Variants in TET1 observed in about 807,000 individuals in gnomAD.
The protein encoded by TET1 is tet methylcytosine dioxygenase 1.
TET1 carries 13 observed loss-of-function variants against 148.7 expected under a neutral mutation model. The ratio of observed to expected loss-of-function variants is 0.09; its 90% CI spans 0.06 to 0.14. The LOEUF (loss-of-function observed/expected upper bound fraction) is 0.14. Ranked by LOEUF, TET1 falls within the 10% of genes least tolerant of loss-of-function variation. TET1 has a pLI of 1.00. For missense variants in TET1, 2,182 were observed against 2,553.8 expected (o/e 0.85, Z 3.14); for synonymous variants, 907 against 937.2 (o/e 0.97, Z 0.59).
At chr10:68,624,680 C>CTT (rs1564975192) in intron 3 of TET1, among the ~76,000 whole-genome samples, 6 of 128,454 alleles carry the variant, frequency 4.7e-5, no homozygotes, top group African/African-American at 8.9e-5. Context: ...CTCTCTCTCT[C>CTT]TCTCTCTCTC....
chr10:68,652,673 T>A (rs1271772760), intron 6 of TET1, 79 bp downstream of exon 6: 2 of 951,598 alleles, frequency 2.1e-6, no homozygotes, highest in Non-Finnish European at 3.2e-6. Context: ...ATAGCCAGAG[T>A]GATCTTTATT....
chr10:68,689,841 T>C (rs1366983224), intron 11 of TET1, among the ~76,000 whole-genome samples: 1 of 151,804 alleles, frequency 6.6e-6, no homozygotes. Context: ...CCATTGGATG[T>C]GAGATTTATG....
At chr10:68,637,749 G>T (rs2054676009) in intron 3 of TET1, among the ~76,000 whole-genome samples, 1 of 147,932 alleles carries the variant, frequency 6.8e-6, no homozygotes, top group South Asian at 2.4e-4. Flanking sequence ...GGGCACACCT[G>T]TAATTCTAGC....
At chr10:68,658,597 A>G (rs551355630) in intron 6 of TET1, among the ~76,000 whole-genome samples, 1 of 152,128 alleles carries the variant, frequency 6.6e-6, no homozygotes, top group Non-Finnish European at 1.5e-5. Flanking sequence ...CTTCTCTTGA[A>G]ATGTTTCCTT....
chr10:68,618,963 T>A (rs2054332718), intron 3 of TET1, among the ~76,000 whole-genome samples: 1 of 152,132 alleles, frequency 6.6e-6, no homozygotes, highest in South Asian at 2.1e-4. Context: ...TTAGACCCTG[T>A]CTCTTAAAAA....
intron 7 of TET1, among the ~76,000 whole-genome samples, chr10:68,671,935 G>T (rs2055277654): frequency 6.6e-6 from 1 of 151,972 alleles, no homozygotes. Context: ...GTAGAGATGG[G>T]GTTTCCCCAT....
At chr10:68,659,331 AT>A (rs1023983494) in intron 6 of TET1, among the ~76,000 whole-genome samples, 1 of 151,510 alleles carries the variant, frequency 6.6e-6, no homozygotes, top group Non-Finnish European at 1.5e-5. Flanking sequence ...CCTACAAGTG[AT>A]TTTTTTTTCT....
rs1395707491 is a variant in TET1, at chr10:68,692,142, T to C, written c.*328T>C. ...GTTTACTATGAAACAAGAGTCATTT[T>C]TAGAGGATTTTAACAGGTTCATGTT... On this transcript the variant is annotated 3_prime_UTR_variant, in exon 12 of 12. Transcript: ENST00000373644. 2.6e-5 allele frequency: 8 copies of C among 308,502 alleles called. No homozygotes were observed. Among genetic ancestry groups the C allele is most frequent in the Non-Finnish European group, 4.8e-5 (8 of 165,664 alleles). 19.1% of individuals were successfully genotyped at this position (308,502 alleles called of 1,614,324 possible).
chr10:68,681,443 A>G lies in TET1; in HGVS notation c.4869A>G (p.Leu1623=). 1 of 1,614,032 alleles carries G rather than the reference A, an allele frequency of 6.2e-7. No individual in the cohort carries two copies. The highest frequency in any genetic ancestry group is 8.5e-7 in the Non-Finnish European group (1 of 1,179,932). Reference sequence around the variant, plus strand: ...ACTTACAGAGTTTGGCTACACGATTAGCTCCAATTTATAAGCAGTATGCTC... The same window carrying G: ...ACTTACAGAGTTTGGCTACACGATTGGCTCCAATTTATAAGCAGTATGCTC... The part of the protein sequence containing the change: ...EDNLQSLATR[L]APIYKQYAPV... Residue 1623 remains leucine (L), a synonymous_variant, in exon 9 of 12, where the codon TTA becomes TTG. Coordinates refer to ENST00000373644, the MANE Select transcript of TET1 (RefSeq NM_030625.3).
chr10:68,691,610 G>A lies in TET1; in HGVS notation c.6207G>A (p.Glu2069=), dbSNP rs1347657510. The change falls in exon 12 of 12, where the codon GAG becomes GAA. Residue 2069 remains glutamate (E), a synonymous_variant. Transcript: ENST00000373644. This position sits in a 1 kb window ranked among gnomAD's most constrained non-coding sequence, Gnocchi z 4.4. ...HGFELNKIKF[E]AKEAKNKKMK... is the part of the protein sequence containing the mutation. ...TTGAACTAAACAAGATTAAGTTTGA[G>A]GCTAAAGAAGCTAAGAATAAGAAAA... The A allele has an allele frequency of 3.1e-6, 5 of 1,614,110 alleles. No homozygotes were observed. Among genetic ancestry groups the A allele is most frequent in the Non-Finnish European group, 4.2e-6 (5 of 1,180,030 alleles).
chr10:68,605,892 G>GTTGT lies in TET1; in HGVS notation c.1968+4872_1968+4875dup, dbSNP rs1198495713. ...TATACTCTGGTTATGTTTGTTGTTTGTTGTTTGTTTGTTTGTTGAGCTGAG... is the reference window on the plus strand; with the variant it reads ...TATACTCTGGTTATGTTTGTTGTTTGTTGTTTGTTTGTTTGTTTGTTGAGCTGAG... On this transcript the variant is annotated intron_variant, in intron 3 of 11. Coordinates refer to ENST00000373644, the MANE Select transcript of TET1 (RefSeq NM_030625.3). 3.3e-5 allele frequency among the ~76,000 whole-genome samples: 5 copies of GTTGT among 152,224 alleles called. No homozygotes were observed. In the East Asian group the frequency reaches 9.6e-4, roughly 29 times the overall value.
At chr10:68,610,092 G>T (rs1275437895) in intron 3 of TET1, among the ~76,000 whole-genome samples, 1 of 152,046 alleles carries the variant, frequency 6.6e-6, no homozygotes, top group Non-Finnish European at 1.5e-5. Context: ...GATCATCCTG[G>T]CTAACACAGT....
intron 4 of TET1, among the ~76,000 whole-genome samples, chr10:68,647,976 G>T (rs2054877745): frequency 6.6e-6 from 1 of 152,030 alleles, no homozygotes. Context: ...CATAATCTTG[G>T]CCACTTGAAG....
In TET1 at chr10:68,629,639, T is replaced by G. The variant is rs1387042101; in HGVS notation, c.1969-15059T>G. Among the ~76,000 whole-genome samples the G allele has an allele frequency of 4.0e-5, 6 of 151,862 alleles. No individual in the cohort carries two copies. The East Asian group carries it at 9.7e-4, about 25-fold the overall frequency. On this transcript the variant is annotated intron_variant, in intron 3 of 11. Coordinates refer to ENST00000373644, the MANE Select transcript of TET1 (RefSeq NM_030625.3). ...ACTTCTGCCTCCCGGGTTCAAGTGA[T>G]TCTTCTGCCTCGGCCTCCCCTCCCA...
At chr10:68,672,454 A>G (rs2055285257) in intron 7 of TET1, among the ~76,000 whole-genome samples, 1 of 117,508 alleles carries the variant, frequency 8.5e-6, no homozygotes, top group Non-Finnish European at 1.6e-5. Flanking sequence ...TGCCACGGCA[A>G]TCCACCCTTG....
chr10:68,632,852 AG>A (rs202104513), intron 3 of TET1: 22,551 of 579,414 alleles, frequency 0.039, 458 homozygotes, highest in Non-Finnish European at 0.044. Flanking sequence ...AAAAAAAAAA[AG>A]AAAGAAAACA....
At chr10:68,593,915 A>AGTTTTTTTT in intron 2 of TET1, among the ~76,000 whole-genome samples, 1 of 44,724 alleles carries the variant, frequency 2.2e-5, no homozygotes, top group Non-Finnish European at 4.0e-5. Flanking sequence ...CGCCTGAGCT[A>AGTTTTTTTT]TTTTTTTTTT....
At chr10:68,595,956 ATATAT>A in intron 2 of TET1, among the ~76,000 whole-genome samples, 1 of 33,458 alleles carries the variant, frequency 3.0e-5, no homozygotes, top group South Asian at 1.5e-3. Context: ...ATATATATAT[ATATAT>A]ACACACACAC....
At chr10:68,585,733 G>A (rs1403128219) in intron 2 of TET1, among the ~76,000 whole-genome samples, 3 of 151,836 alleles carry the variant, frequency 2.0e-5, no homozygotes, top group Admixed American at 6.6e-5. Context: ...TTTTTGGGCC[G>A]GGCACGGTGG....
Sources: gnomAD v4.1 joint callset for allele counts (sites outside exome capture counted in the v4.1 genomes callset) on GRCh38, gnomAD v4.1.1 for gene constraint, Gnocchi (gnomAD v3.1) non-coding constraint, MANE v1.5 for transcripts, NCBI Gene and HGNC (gene_info 2026-07-23, HGNC 2026-07-21) for gene names.